PHF10: variants seen among roughly 807,000 people sequenced by gnomAD.
PHF10 encodes BRG1-associated factor 45a.
In PHF10, 51 loss-of-function variants were observed where a neutral mutation model predicts 68.5. That is an observed-to-expected ratio of 0.74 (90% CI 0.59 to 0.94). The LOEUF is 0.94. PHF10 is among the 40% of genes least tolerant of loss of function. The probability of loss-of-function intolerance (pLI) is 0.00; values close to 1 mark genes in which losing one functional copy is unlikely to be tolerated. For missense variants in PHF10, 460 were observed against 602.6 expected (o/e 0.76, Z 2.48); for synonymous variants, 204 against 203.5 (o/e 1.00, Z -0.02).
Position 169,713,939 on chromosome 6 carries a change from T to A in PHF10, c.803+794A>T, listed in dbSNP as rs73039202. ...GAGATCAAGAGCATCCTGGCCAACA[T>A]GGTAAAACCCACCTCTACCAAAAAT... On this transcript the variant is annotated intron_variant, in intron 7 of 11. Coordinates refer to ENST00000339209, the MANE Select transcript of PHF10 (RefSeq NM_018288.4). Among the ~76,000 whole-genome samples the A allele has an allele frequency of 1.8e-3, 281 of 152,188 alleles. 1 individual carries two copies. Among genetic ancestry groups the A allele is most frequent in the Admixed American group, 3.3e-3 (50 of 15,280 alleles).
chr6:169,704,340 T>G, intron 11 of PHF10: 1 of 421,108 alleles, frequency 2.4e-6, no homozygotes, highest in Non-Finnish European at 4.3e-6. Context: ...TACGGACCTT[T>G]AAGAAAGTAC....
chr6:169,706,804 T>C (rs1358550472), intron 9 of PHF10, among the ~76,000 whole-genome samples: 2 of 150,772 alleles, frequency 1.3e-5, no homozygotes, highest in African/African-American at 4.9e-5. Context: ...AAAATAATTA[T>C]TTTAAGTAGA....
intron 9 of PHF10, among the ~76,000 whole-genome samples, chr6:169,706,725 C>A (rs773727754): frequency 1.4e-5 from 1 of 73,346 alleles, no homozygotes; most frequent in Admixed American, 1.6e-4. Flanking sequence ...TACATACATA[C>A]ATACACACAC....
rs1789257837 is a variant in PHF10 at position 169,723,987 on chromosome 6, GCCGCCGCCGCTGCC to G, written c.-70_-57del. 2.2e-6 allele frequency: 1 copy of G among 456,962 alleles called. No homozygotes were observed. Among genetic ancestry groups the G allele is most frequent in the Non-Finnish European group, 2.8e-6 (1 of 354,100 alleles). 28.3% of individuals were successfully genotyped at this position (456,962 alleles called of 1,614,324 possible). On this transcript the variant is annotated 5_prime_UTR_variant, in exon 1 of 12. Transcript: ENST00000339209. ...CCGTCGCCTCCGCCTTGTCCCGGCC[GCCGCCGCCGCTGCC>G]GCCGCCGCCGCCGCCGCCGCCGCGC...
chr6:169,718,759 ATAAAT>A (rs1432028018), intron 3 of PHF10, 24 bp downstream of exon 3: 5 of 1,244,898 alleles, frequency 4.0e-6, no homozygotes, highest in Non-Finnish European at 5.7e-6. Context: ...ACTATCAATT[ATAAAT>A]TAATCTATTA....
rs373121095 is a variant in PHF10 at position 169,705,703 on chromosome 6, T to C, written c.1135A>G (p.Ile379Val). ...TTACCCTTCAGACAAATTCCACATA[T>C]AGCATTTGGAATGACCTTTGGCTGG... The part of the protein sequence containing the change: ...GYKPKVIPNA[I>V]CGICLKGKES... Residue 379 changes from isoleucine (I) to valine (V), a missense_variant, in exon 10 of 12, where the codon ATA (isoleucine) becomes GTA (valine). This residue lies in a region of PHF10 where 256 missense variants were observed against 410.5 expected (regional missense o/e 0.62). Coordinates refer to ENST00000339209, the MANE Select transcript of PHF10 (RefSeq NM_018288.4). The C allele has an allele frequency of 1.0e-4, 162 of 1,576,966 alleles. No homozygotes were observed. The highest frequency in any genetic ancestry group is 1.4e-4 in the Non-Finnish European group (157 of 1,146,292).
intron 9 of PHF10, chr6:169,707,086 A>G (rs1788818249): frequency 6.6e-6 from 1 of 152,234 alleles, no homozygotes; most frequent in Admixed American, 6.5e-5. Context: ...CATAAATAGA[A>G]TAAAAACAAG....
intron 7 of PHF10, among the ~76,000 whole-genome samples, chr6:169,713,501 G>T: frequency 6.6e-6 from 1 of 150,996 alleles, no homozygotes; most frequent in Non-Finnish European, 1.5e-5. Context: ...TCGGGAAGCT[G>T]AAGCAGGAGA....
chr6:169,721,832 A>T (rs1198133748), intron 1 of PHF10, among the ~76,000 whole-genome samples: 2 of 152,258 alleles, frequency 1.3e-5, no homozygotes, highest in East Asian at 3.8e-4. Context: ...TAAAAATCAT[A>T]ATTTTTTAAT....
chr6:169,718,790 G>A lies in PHF10; in HGVS notation c.323C>T (p.Pro108Leu), dbSNP rs1789111906. ...TAATCTATTATATAAACTAGTACCT[G>A]GATATTTCCTTTTAAAGGAGGTCAC... ...LGVTSFKRKYPDLERRDLSHK... is the reference protein window; with the variant it reads ...LGVTSFKRKYLDLERRDLSHK... Residue 108 changes from proline (P) to leucine (L), a missense_variant and splice_region_variant, in exon 3 of 12, where the codon CCA becomes CTA. Pro to Leu is a moderately conservative substitution (Grantham distance 98, BLOSUM62 -3). Transcript: ENST00000339209. The A allele has an allele frequency of 2.6e-6, 4 of 1,529,964 alleles. No homozygotes were observed. Among genetic ancestry groups the A allele is most frequent in the Non-Finnish European group, 3.6e-6 (4 of 1,108,260 alleles). 94.8% of individuals were successfully genotyped at this position (1,529,964 alleles called of 1,614,324 possible).
chr6:169,721,348 G>C (rs1388651121), intron 1 of PHF10, among the ~76,000 whole-genome samples: 3 of 152,092 alleles, frequency 2.0e-5, no homozygotes, highest in African/African-American at 7.2e-5. Flanking sequence ...ATCTGCTTTG[G>C]TTTCTGCTCT....
intron 7 of PHF10, 99 bp downstream of exon 7, chr6:169,714,634 G>A (rs1789002158): frequency 1.4e-6 from 1 of 716,202 alleles, no homozygotes; most frequent in Non-Finnish European, 2.5e-6. Context: ...ATCTTACGGT[G>A]ATATCTATAG....
intron 11 of PHF10, chr6:169,704,584 T>C (rs1048109766): frequency 5.9e-6 from 1 of 169,948 alleles, no homozygotes; most frequent in African/African-American, 2.4e-5. Flanking sequence ...TGTTGCTTGC[T>C]TAATGATTCC....
Position 169,705,820 on chromosome 6 carries a change from G to A in PHF10, c.1114-96C>T. On this transcript the variant is annotated intron_variant, in intron 9 of 11. Transcript: ENST00000339209. ...ACTTTATTGCCCTATTTTTACTTTT[G>A]GTAACTTGCTAATGAGGACCATTTT... is the stretch of plus-strand genomic sequence containing the variant. The A allele has an allele frequency of 5.5e-6, 4 of 726,872 alleles. No individual in the cohort carries two copies. The South Asian group carries it at 6.2e-5, about 11-fold the overall frequency. The allele number at this position is 726,872 out of a possible 1,614,324, so 45.0% of individuals were successfully genotyped here. A position where few individuals can be genotyped will look rare whatever the true frequency, so the allele number is the denominator to read the frequency against.
At position 169,717,701 on chromosome 6, in the gene PHF10, G is replaced by A. The variant is rs1399124027; in HGVS notation, c.409+122C>T. The A allele has an allele frequency of 6.9e-6, 4 of 581,916 alleles. No individual in the cohort carries two copies. In the Admixed American group the frequency reaches 1.4e-4, roughly 20 times the overall value. 36.0% of individuals were successfully genotyped at this position (581,916 alleles called of 1,614,324 possible). A position where few individuals can be genotyped will look rare whatever the true frequency, so the allele number is the denominator to read the frequency against. On this transcript the variant is annotated intron_variant, in intron 4 of 11. Coordinates refer to ENST00000339209, the MANE Select transcript of PHF10 (RefSeq NM_018288.4). Reference sequence around the variant, plus strand: ...AATCAAAAATGAAGTAAATAATGTAGCATTTAAATAGTTCAATTTATTTTA... The same window carrying A: ...AATCAAAAATGAAGTAAATAATGTAACATTTAAATAGTTCAATTTATTTTA...
chr6:169,710,335 G>C lies in PHF10; in HGVS notation c.1014C>G (p.Asp338Glu). 6.2e-7 allele frequency: 1 copy of C among 1,611,774 alleles called. No individual in the cohort carries two copies. The highest frequency in any genetic ancestry group is 8.5e-7 in the Non-Finnish European group (1 of 1,177,928). The part of the protein sequence containing the change: ...EGESPPDSQE[D>E]SFQGRQKSKD... ...TTGATTTCTGTCTTCCCTGGAAAGA[G>C]TCCTCCTGGCTGTCAGGAGGGCTTT... Residue 338 changes from aspartate to glutamate, a missense_variant, in exon 9 of 12, where the codon GAC becomes GAG. Around this residue, in one of 3 missense-constraint regions of PHF10, gnomAD observed 256 missense variants for 410.5 expected, o/e 0.62. Transcript: ENST00000339209.
chr6:169,716,183 C>T (rs1044824327), intron 4 of PHF10, 95 bp from the exon 5 acceptor site: 12 of 703,884 alleles, frequency 1.7e-5, no homozygotes, highest in Middle Eastern at 2.6e-4. Flanking sequence ...AACCGCTCCA[C>T]GTTGTAATGG....
At chr6:169,722,356 G>A (rs1184918841) in intron 1 of PHF10, among the ~76,000 whole-genome samples, 1 of 152,146 alleles carries the variant, frequency 6.6e-6, no homozygotes, top group South Asian at 2.1e-4. Flanking sequence ...CTGCAACACT[G>A]CATATTCAAT....
chr6:169,705,496 G>A (rs1425247137), intron 10 of PHF10, 120 bp downstream of exon 10: 2 of 734,878 alleles, frequency 2.7e-6, no homozygotes, highest in Admixed American at 2.1e-5. Flanking sequence ...TGCCTCACAA[G>A]CTACCCTGTG....
Sources: allele counts gnomAD v4.1 joint callset (sites outside exome capture counted in the v4.1 genomes callset), GRCh38; gene constraint gnomAD v4.1.1; regional missense constraint gnomAD v4.1.1; transcripts MANE v1.5; gene names NCBI Gene and HGNC (gene_info 2026-07-23, HGNC 2026-07-21).